The following OSBPL8 variants were observed in gnomAD, a reference collection of about 807,000 sequenced individuals.
The protein encoded by OSBPL8 is oxysterol-binding protein-related protein 8.
A neutral mutation model predicts 125.5 loss-of-function variants in OSBPL8; 59 were observed. The ratio of observed to expected loss-of-function variants is 0.47; its 90% confidence interval spans 0.38 to 0.58. OSBPL8 has a LOEUF of 0.58. OSBPL8 is among the 20% of genes least tolerant of loss of function. The pLI is 0.00. For synonymous variants in OSBPL8, 330 were observed against 338.9 expected, an observed-to-expected ratio of 0.97 and a Z score of 0.29; for missense variants, 758 against 1,047.8, an observed-to-expected ratio of 0.72 and a Z score of 3.82.
At chr12:76,358,539 G>A (rs187580839) in intron 22 of OSBPL8, among the ~76,000 whole-genome samples, 167 bp downstream of exon 22, 150 of 151,928 alleles carry the variant, frequency 9.9e-4, no homozygotes, top group African/African-American at 3.5e-3. Context: ...TCTTTACCTT[G>A]CGTCCTGGTC....
intron 21 of OSBPL8, among the ~76,000 whole-genome samples, chr12:76,359,560 G>A (rs1565821573): frequency 6.6e-6 from 1 of 152,134 alleles, no homozygotes. Flanking sequence ...GAATCAGAAA[G>A]ACAAGATGTA....
At chr12:76,553,901 C>T (rs1951018229) in intron 1 of OSBPL8, among the ~76,000 whole-genome samples, 1 of 135,532 alleles carries the variant, frequency 7.4e-6, no homozygotes, top group Non-Finnish European at 1.5e-5. Flanking sequence ...CACTTGAAAC[C>T]GGGAGGCAGA....
chr12:76,420,255 A>G (rs1869295976), intron 4 of OSBPL8, among the ~76,000 whole-genome samples: 1 of 152,174 alleles, frequency 6.6e-6, no homozygotes, highest in African/African-American at 2.4e-5. Flanking sequence ...AAAAAATCTG[A>G]GAAGTCAAAA....
At chr12:76,505,858 G>T (rs1427319103) in intron 1 of OSBPL8, among the ~76,000 whole-genome samples, 2 of 152,120 alleles carry the variant, frequency 1.3e-5, no homozygotes, top group Admixed American at 6.6e-5. Flanking sequence ...AAGAACAGAA[G>T]GACTTTAATT....
intron 4 of OSBPL8, among the ~76,000 whole-genome samples, chr12:76,434,283 G>C (rs966827012): frequency 1.3e-5 from 2 of 152,102 alleles, no homozygotes; most frequent in Non-Finnish European, 1.5e-5. Context: ...AATGGTGGTG[G>C]ACAAACTGGA....
chr12:76,474,358 A>T (rs1246856791), intron 2 of OSBPL8, among the ~76,000 whole-genome samples: 36 of 152,162 alleles, frequency 2.4e-4, no homozygotes, highest in Admixed American at 2.4e-3. Flanking sequence ...TAGGGTGAAA[A>T]CAGCAGCAAT....
intron 4 of OSBPL8, 57 bp from the exon 5 acceptor site, chr12:76,410,691 ATTCATT>A (rs1209144585): frequency 8.4e-7 from 1 of 1,192,276 alleles, no homozygotes; most frequent in Non-Finnish European, 1.2e-6. Context: ...ATAATAAGTC[ATTCATT>A]TTCAAGTATA....
intron 1 of OSBPL8, among the ~76,000 whole-genome samples, chr12:76,488,376 T>G (rs1171503599): frequency 6.6e-6 from 1 of 152,210 alleles, no homozygotes; most frequent in Non-Finnish European, 1.5e-5. Context: ...ACCATGAATA[T>G]GTATATCTAC....
At chr12:76,411,314 G>C (rs1158013306) in intron 4 of OSBPL8, among the ~76,000 whole-genome samples, 2 of 152,042 alleles carry the variant, frequency 1.3e-5, no homozygotes, top group Admixed American at 1.3e-4. Flanking sequence ...CAATTATATT[G>C]AGACTTGTGT....
At chr12:76,523,660 G>T (rs940178452) in intron 1 of OSBPL8, among the ~76,000 whole-genome samples, 2 of 152,112 alleles carry the variant, frequency 1.3e-5, no homozygotes, top group African/African-American at 4.8e-5. Context: ...ACCATGTGAG[G>T]ACTCAGCAAG....
intron 1 of OSBPL8, among the ~76,000 whole-genome samples, chr12:76,540,915 A>C (rs1033922339): frequency 2.0e-5 from 3 of 152,214 alleles, no homozygotes; most frequent in Admixed American, 1.3e-4. Context: ...AAGAAAAGTA[A>C]AAGTCTGAAT....
At chr12:76,383,074 G>T (rs906359412) in intron 15 of OSBPL8, among the ~76,000 whole-genome samples, 1 of 152,058 alleles carries the variant, frequency 6.6e-6, no homozygotes. Context: ...CAATTCTGAC[G>T]ATCTTAAATT....
At chr12:76,454,729 T>TA (rs140485885) in intron 3 of OSBPL8, among the ~76,000 whole-genome samples, 343 of 117,088 alleles carry the variant, frequency 2.9e-3, no homozygotes, top group African/African-American at 4.9e-3. Flanking sequence ...TTTAAAAAAT[T>TA]AAAAAAAAAA....
At chr12:76,532,840 C>A (rs1950384985) in intron 1 of OSBPL8, among the ~76,000 whole-genome samples, 1 of 152,142 alleles carries the variant, frequency 6.6e-6, no homozygotes, top group Non-Finnish European at 1.5e-5. Flanking sequence ...CTAATGGGGG[C>A]TCCACAAAGA....
intron 5 of OSBPL8, 120 bp from the exon 6 acceptor site, chr12:76,402,886 C>T: frequency 1.5e-6 from 1 of 668,032 alleles, no homozygotes; most frequent in East Asian, 2.8e-5. Context: ...AAGCAAATGT[C>T]AATTTTCAAT....
At chr12:76,406,604 T>C (rs751632242) in intron 5 of OSBPL8, among the ~76,000 whole-genome samples, 6 of 152,182 alleles carry the variant, frequency 3.9e-5, no homozygotes, top group African/African-American at 4.8e-5. Context: ...TAGGAAAAGG[T>C]GCATGAGAAA....
At chr12:76,373,831 C>A (rs1049042467) in intron 17 of OSBPL8, among the ~76,000 whole-genome samples, 1 of 151,756 alleles carries the variant, frequency 6.6e-6, no homozygotes, top group South Asian at 2.1e-4. Flanking sequence ...TAAATAACAC[C>A]CCTTCCTTAA....
rs1402827054 is a variant in OSBPL8, at chr12:76,493,015, A to C, written c.-67-5397T>G. Among the ~76,000 whole-genome samples, 3 of 152,106 alleles carry C rather than the reference A, an allele frequency of 2.0e-5. No homozygotes were observed. In the East Asian group the frequency reaches 5.8e-4, roughly 29 times the overall value. On this transcript the variant is annotated intron_variant, in intron 1 of 23. Transcript: ENST00000261183. Reference sequence around the variant, plus strand: ...AATTTAAAATGCACTTCTTCCTCTAAGTTGCAGTCAAAAATAGTTGGAAAC... The same window carrying C: ...AATTTAAAATGCACTTCTTCCTCTACGTTGCAGTCAAAAATAGTTGGAAAC...
intron 1 of OSBPL8, among the ~76,000 whole-genome samples, chr12:76,541,556 A>G (rs1363244539): frequency 1.3e-5 from 2 of 152,272 alleles, no homozygotes; most frequent in African/African-American, 2.4e-5. Flanking sequence ...TTTTTACCAC[A>G]TTAAAAATAG....
Sources: gnomAD v4.1 joint callset for allele counts (sites outside exome capture counted in the v4.1 genomes callset) on GRCh38, gnomAD v4.1.1 for gene constraint, MANE v1.5 for transcripts, NCBI Gene and HGNC (gene_info 2026-07-23, HGNC 2026-07-21) for gene names.